Variants in SLC9A2 observed in about 807,000 individuals in gnomAD.
SLC9A2 encodes the protein sodium/hydrogen exchanger 2.
In SLC9A2, 42 loss-of-function variants were observed where a neutral mutation model predicts 71.7. That is an observed-to-expected ratio of 0.59 (90% CI 0.46 to 0.76). The LOEUF (loss-of-function observed/expected upper bound fraction) is 0.76. SLC9A2 is among the 30% of genes least tolerant of loss of function. SLC9A2 has a pLI of 0.00. For synonymous variants in SLC9A2, 396 were observed against 392.5 expected (o/e 1.01, Z -0.10); for missense variants, 829 against 1,017.4 (o/e 0.81, Z 2.52).
At chr2:102,623,797 T>C (rs1385709301) in intron 1 of SLC9A2, among the ~76,000 whole-genome samples, 3 of 152,146 alleles carry the variant, frequency 2.0e-5, no homozygotes, top group Non-Finnish European at 4.4e-5. Context: ...GAAACATTGC[T>C]AGTGATTAAT....
In SLC9A2 at chr2:102,665,296, A is replaced by G; in HGVS notation, c.950A>G (p.Tyr317Cys). The change falls in exon 3 of 12, where the codon TAC becomes TGC. Residue 317 changes from tyrosine (Y) to cysteine (C), a missense_variant. Tyr to Cys is a radical substitution (Grantham distance 194, BLOSUM62 -2). Around this residue, in one of 3 missense-constraint regions of SLC9A2, gnomAD observed 500 missense variants for 726.3 expected, o/e 0.69. Coordinates refer to ENST00000233969, the MANE Select transcript of SLC9A2 (RefSeq NM_003048.6). ...RVIEPLFVFL[Y>C]SYLSYITAEM... ...ATCGAGCCACTGTTTGTTTTCCTGT[A>G]CAGTTATTTGTCCTACATCACAGCT... 1.2e-6 allele frequency: 2 copies of G among 1,614,076 alleles called. No individual in the cohort carries two copies. Among genetic ancestry groups the G allele is most frequent in the Non-Finnish European group, 1.7e-6 (2 of 1,179,994 alleles).
At chr2:102,672,792 A>G (rs1246704312) in intron 3 of SLC9A2, among the ~76,000 whole-genome samples, 1 of 152,146 alleles carries the variant, frequency 6.6e-6, no homozygotes, top group Non-Finnish European at 1.5e-5. Flanking sequence ...GAGATAATAT[A>G]TATATATATT....
chr2:102,677,744 GT>G (rs1223266606), intron 3 of SLC9A2, among the ~76,000 whole-genome samples: 1 of 152,164 alleles, frequency 6.6e-6, no homozygotes, highest in African/African-American at 2.4e-5. Flanking sequence ...GGAGCATCCA[GT>G]TTGGTTGGGG....
chr2:102,675,293 C>A (rs1453548341), intron 3 of SLC9A2, among the ~76,000 whole-genome samples: 1 of 152,110 alleles, frequency 6.6e-6, no homozygotes, highest in African/African-American at 2.4e-5. Flanking sequence ...CCAAGGTGAA[C>A]TGAACTCTAG....
intron 3 of SLC9A2, among the ~76,000 whole-genome samples, chr2:102,670,644 CAAATTTGTAAATGAGG>C (rs1469831078): frequency 6.9e-6 from 1 of 145,754 alleles, no homozygotes; most frequent in Non-Finnish European, 1.5e-5. Context: ...CATCCCGATG[CAAATTTGTAAATGAGG>C]AAATTTGTAA....
chr2:102,691,592 T>C (rs1237282940), intron 5 of SLC9A2, among the ~76,000 whole-genome samples: 1 of 152,204 alleles, frequency 6.6e-6, no homozygotes, highest in Admixed American at 6.5e-5. Flanking sequence ...TTTCATCAAA[T>C]AATTCTTATT....
chr2:102,647,368 C>G (rs190180173), intron 1 of SLC9A2, among the ~76,000 whole-genome samples: 1 of 152,324 alleles, frequency 6.6e-6, no homozygotes, highest in African/African-American at 2.4e-5. Context: ...AAATTTGTAG[C>G]ACTAAATGCC....
intron 2 of SLC9A2, among the ~76,000 whole-genome samples, chr2:102,661,817 C>G (rs1281648110): frequency 6.6e-6 from 1 of 152,202 alleles, no homozygotes; most frequent in Non-Finnish European, 1.5e-5. Flanking sequence ...TTTGCACCGA[C>G]TCACTAGAGT....
intron 3 of SLC9A2, among the ~76,000 whole-genome samples, chr2:102,671,473 G>A (rs533367493): frequency 1.7e-4 from 26 of 152,152 alleles, no homozygotes; most frequent in African/African-American, 5.8e-4. Context: ...AACAAAGAAA[G>A]CAACAAAAAG....
chr2:102,647,917 A>G (rs1022312438), intron 1 of SLC9A2, among the ~76,000 whole-genome samples: 1 of 152,214 alleles, frequency 6.6e-6, no homozygotes, highest in East Asian at 1.9e-4. Flanking sequence ...AGAGGTACAA[A>G]GAGGAGCTGG....
At position 102,622,855 on chromosome 2, in the gene SLC9A2, T is replaced by G. The variant is rs1039397957; in HGVS notation, c.289+2718T>G. On this transcript the variant is annotated intron_variant, in intron 1 of 11. Transcript: ENST00000233969. The stretch of plus-strand genomic sequence containing the variant: ...GAACCTTTTCCACTGTTGACTGTCC[T>G]GGGCTGCCACCTGTCTCTCTTTACT... Among the ~76,000 whole-genome samples, 5 of 152,358 alleles carry G rather than the reference T, an allele frequency of 3.3e-5. No individual in the cohort carries two copies. In the East Asian group the frequency reaches 7.7e-4, roughly 23 times the overall value.
chr2:102,633,545 G>A (rs981945029), intron 1 of SLC9A2, among the ~76,000 whole-genome samples: 2 of 152,050 alleles, frequency 1.3e-5, no homozygotes, highest in Non-Finnish European at 2.9e-5. Flanking sequence ...CTGTGAGGAC[G>A]AATCAAAGTA....
At chr2:102,643,974 G>A (rs750778085) in intron 1 of SLC9A2, among the ~76,000 whole-genome samples, 2 of 151,162 alleles carry the variant, frequency 1.3e-5, no homozygotes, top group Admixed American at 6.6e-5. Flanking sequence ...CTAACTTAAC[G>A]GCCATTACTT....
At chr2:102,652,343 C>A (rs979233130) in intron 1 of SLC9A2, among the ~76,000 whole-genome samples, 1 of 152,178 alleles carries the variant, frequency 6.6e-6, no homozygotes, top group Non-Finnish European at 1.5e-5. Flanking sequence ...AGAGATACAG[C>A]TTCTTCCTGT....
intron 3 of SLC9A2, among the ~76,000 whole-genome samples, chr2:102,668,336 G>A (rs1677183124): frequency 6.6e-6 from 1 of 151,988 alleles, no homozygotes; most frequent in African/African-American, 2.4e-5. Context: ...CTTCCTTATG[G>A]TGTAGATCAC....
intron 1 of SLC9A2, among the ~76,000 whole-genome samples, chr2:102,632,149 TATATACACATATATACAC>T (rs1676384728): frequency 2.2e-5 from 1 of 46,338 alleles, no homozygotes; most frequent in African/African-American, 7.4e-5. Context: ...TATATATACA[TATATACACATATATACAC>T]ATATATATAC....
chr2:102,690,121 G>A (rs1033019991), intron 5 of SLC9A2, among the ~76,000 whole-genome samples: 5 of 152,112 alleles, frequency 3.3e-5, no homozygotes, highest in African/African-American at 1.2e-4. Flanking sequence ...CTGAAACATA[G>A]CAATATTTAG....
At chr2:102,621,373 A>T (rs1428314938) in intron 1 of SLC9A2, among the ~76,000 whole-genome samples, 1 of 150,826 alleles carries the variant, frequency 6.6e-6, no homozygotes, top group Non-Finnish European at 1.5e-5. Context: ...AAAAAAAAAA[A>T]TTACCCACTT....
chr2:102,640,810 C>T (rs889762300), intron 1 of SLC9A2, among the ~76,000 whole-genome samples: 2 of 152,216 alleles, frequency 1.3e-5, no homozygotes, highest in Non-Finnish European at 2.9e-5. Context: ...CTGCCTTGGT[C>T]TTTCTGGCAA....
Sources: allele counts gnomAD v4.1 joint callset (sites outside exome capture counted in the v4.1 genomes callset), GRCh38; gene constraint gnomAD v4.1.1; regional missense constraint gnomAD v4.1.1; transcripts MANE v1.5; gene names NCBI Gene and HGNC (gene_info 2026-07-23, HGNC 2026-07-21).